RGS4: variants seen among roughly 807,000 people sequenced by gnomAD.
RGS4 encodes regulator of G protein signaling 4, also known as schizophrenia disorder 9.
A neutral mutation model predicts 21.6 loss-of-function variants in RGS4; 15 were observed. The observed-to-expected ratio is 0.69, with a 90% confidence interval of 0.46 to 1.07. The LOEUF (loss-of-function observed/expected upper bound fraction) is 1.07. Ranked by LOEUF, RGS4 falls within the 50% of genes least tolerant of loss-of-function variation. RGS4 has a pLI of 0.00. For missense variants in RGS4, 237 were observed against 239.0 expected, an observed-to-expected ratio of 0.99 and a Z score of 0.06; for synonymous variants, 94 against 85.5, an observed-to-expected ratio of 1.10 and a Z score of -0.55.
intron 1 of RGS4, chr1:163,072,009 C>T: frequency 6.1e-6 from 6 of 990,718 alleles, no homozygotes; most frequent in Non-Finnish European, 7.2e-6. Flanking sequence ...GCATCTTTTG[C>T]CGCTACTGCT....
chr1:163,070,439 C>A (rs1466348950), intron 1 of RGS4: 1 of 152,112 alleles, frequency 6.6e-6, no homozygotes, highest in Non-Finnish European at 1.5e-5. Context: ...GAAATTACCA[C>A]AAATTTTATT....
Position 163,072,398 on chromosome 1 carries a change from A to G in RGS4, c.48A>G (p.Ala16=), listed in dbSNP as rs1557859390. 1.2e-6 allele frequency: 2 copies of G among 1,610,898 alleles called. No individual in the cohort carries two copies. Among genetic ancestry groups the G allele is most frequent in the Non-Finnish European group, 8.5e-7 (1 of 1,177,572 alleles). ...AGLPASCLRS[A]KDMKHRLGFL... ...CATTTTTTTCTCTTCTGTGCAGTGC[A>G]AAAGATATGAAACATCGGCTAGGTT... The change falls in exon 2 of 5, where the codon GCA becomes GCG. Residue 16 remains alanine (A), a synonymous_variant. Transcript: ENST00000367909.
chr1:163,074,451 A>C lies in RGS4; in HGVS notation c.509A>C (p.Lys170Thr), dbSNP rs1655429469. Residue 170 changes from lysine (K) to threonine (T), a missense_variant, in exon 5 of 5, where the codon AAG becomes ACG. Transcript: ENST00000367909. ...AAGGATTCCTACCGCCGCTTCCTCA[A>C]GTCTCGATTCTATCTTGATTTGGTC... ...MEKDSYRRFLKSRFYLDLVNP... is the reference protein window; with the variant it reads ...MEKDSYRRFLTSRFYLDLVNP... 1 of 1,613,812 alleles carries C rather than the reference A, an allele frequency of 6.2e-7. No homozygotes were observed. The highest frequency in any genetic ancestry group is 8.5e-7 in the Non-Finnish European group (1 of 1,179,854).
chr1:163,073,491 G>A lies in RGS4; in HGVS notation c.247G>A (p.Glu83Lys). The A allele has an allele frequency of 6.2e-7, 1 of 1,601,116 alleles. No individual in the cohort carries two copies. The highest frequency in any genetic ancestry group is 8.5e-7 in the Non-Finnish European group (1 of 1,176,226). ...LAAFKAFLKS[E>K]YSEENIDFWI... The stretch of plus-strand genomic sequence containing the variant: ...AGCTTTCAAAGCTTTCTTGAAGTCT[G>A]AATATAGTGAGGAGAATATTGACTT... Residue 83 changes from glutamate (E) to lysine (K), a missense_variant, in exon 4 of 5, where the codon GAA becomes AAA. Glu to Lys is a moderately conservative substitution (Grantham distance 56). Coordinates refer to ENST00000367909, the MANE Select transcript of RGS4 (RefSeq NM_005613.6).
chr1:163,073,007 T>C, intron 3 of RGS4, 141 bp downstream of exon 3: 1 of 651,804 alleles, frequency 1.5e-6, no homozygotes, highest in Non-Finnish European at 2.6e-6. Flanking sequence ...ATTCAGTCTG[T>C]TTAAAATTTT....
At position 163,072,441 on chromosome 1, in the gene RGS4, G is replaced by C; in HGVS notation, c.91G>C (p.Asp31His). ...HRLGFLLQKS[D>H]SCEHNSSHNK... Reference sequence around the variant, plus strand: ...GCTAGGTTTCCTGCTGCAAAAATCTGATTCCTGTGAACACAATTCTTCCCA... The same window carrying C: ...GCTAGGTTTCCTGCTGCAAAAATCTCATTCCTGTGAACACAATTCTTCCCA... The change falls in exon 2 of 5, where the codon GAT (aspartate) becomes CAT (histidine). Residue 31 changes from aspartate to histidine, a missense_variant. Physicochemically the swap from Asp to His is moderately conservative, Grantham distance 81. Coordinates refer to ENST00000367909, the MANE Select transcript of RGS4 (RefSeq NM_005613.6). 1.9e-6 allele frequency: 3 copies of C among 1,613,272 alleles called. No individual in the cohort carries two copies. The highest frequency in any genetic ancestry group is 2.5e-6 in the Non-Finnish European group (3 of 1,179,558).
At chr1:163,074,236 C>A in intron 4 of RGS4, 85 bp from the exon 5 acceptor site, 3 of 1,553,306 alleles carry the variant, frequency 1.9e-6, no homozygotes, top group South Asian at 2.4e-5. Flanking sequence ...GGGTGCACTG[C>A]CACTTACAAG....
At chr1:163,071,063 T>C (rs1655282960) in intron 1 of RGS4, among the ~76,000 whole-genome samples, 2 of 152,138 alleles carry the variant, frequency 1.3e-5, no homozygotes. Flanking sequence ...TTAATAACTC[T>C]AGGATCTCAG....
At chr1:163,073,428 A>G (rs201452079) in intron 3 of RGS4, 28 bp from the exon 4 acceptor site, 2 of 1,524,994 alleles carry the variant, frequency 1.3e-6, no homozygotes, top group South Asian at 1.4e-5. Context: ...GTGTGATGAC[A>G]ACTGTGGTCC....
rs145492172 is a variant in RGS4 at position 163,076,198 on chromosome 1, C to T, written c.*1638C>T. The T allele has an allele frequency of 5.2e-5, 8 of 152,700 alleles. No individual in the cohort carries two copies. The highest frequency in any genetic ancestry group is 2.1e-4 in the South Asian group (1 of 4,824). 9.5% of individuals were successfully genotyped at this position (152,700 alleles called of 1,614,324 possible). Reference sequence around the variant, plus strand: ...TACTGCCTTTCAAAGTGCACACACACGCGTCCACATACACTGCATTCGTTG... The same window carrying T: ...TACTGCCTTTCAAAGTGCACACACATGCGTCCACATACACTGCATTCGTTG... On this transcript the variant is annotated 3_prime_UTR_variant, in exon 5 of 5. Transcript: ENST00000367909.
rs1655387678 is a variant in RGS4 at position 163,073,400 on chromosome 1, T to C, written c.212-56T>C. 9 of 1,408,300 alleles carry C rather than the reference T, an allele frequency of 6.4e-6. No individual in the cohort carries two copies. The South Asian group carries it at 1.2e-4, about 19-fold the overall frequency. The allele number at this position is 1,408,300 out of a possible 1,614,324, so 87.2% of individuals were successfully genotyped here. ...TACCTCAGCTTTATGTGAAATAGCA[T>C]ATCCAAGAGGCCAACCAGTGTGATG... is the stretch of plus-strand genomic sequence containing the variant. On this transcript the variant is annotated intron_variant, in intron 3 of 4. Transcript: ENST00000367909.
In RGS4 at chr1:163,074,614, C is replaced by G; in HGVS notation, c.*54C>G. 5.0e-6 allele frequency: 8 copies of G among 1,613,046 alleles called. No individual in the cohort carries two copies. The highest frequency in any genetic ancestry group is 6.8e-6 in the Non-Finnish European group (8 of 1,179,312). ...GCCAAGACTCTATGCTCTGGAAAAC[C>G]TGAGGCCAAATATTGATCTGTATTA... On this transcript the variant is annotated 3_prime_UTR_variant, in exon 5 of 5. Coordinates refer to ENST00000367909, the MANE Select transcript of RGS4 (RefSeq NM_005613.6).
rs955833628 is a variant in RGS4, at chr1:163,069,686, T to G, written c.44+158T>G. On this transcript the variant is annotated intron_variant, in intron 1 of 4. Coordinates refer to ENST00000367909, the MANE Select transcript of RGS4 (RefSeq NM_005613.6). ...TTCCTCCAAGACTAGCTAGATATTG[T>G]GACTTAAGACATGTGCTCCCCAAAT... Among the ~76,000 whole-genome samples the G allele has an allele frequency of 2.0e-5, 3 of 152,180 alleles. No homozygotes were observed. The South Asian group carries it at 6.2e-4, about 32-fold the overall frequency.
chr1:163,072,544 C>G, intron 2 of RGS4, 45 bp downstream of exon 2: 1 of 1,333,110 alleles, frequency 7.5e-7, no homozygotes, highest in Non-Finnish European at 1.1e-6. Flanking sequence ...TATTAACTAT[C>G]TGATGATGGG....
chr1:163,074,518 G>A lies in RGS4; in HGVS notation c.576G>A (p.Lys192=). The A allele has an allele frequency of 2.5e-6, 4 of 1,613,920 alleles. No homozygotes were observed. The highest frequency in any genetic ancestry group is 2.5e-6 in the Non-Finnish European group (3 of 1,179,868). Residue 192 remains lysine (K), a synonymous_variant, in exon 5 of 5, where the codon AAG becomes AAA. Transcript: ENST00000367909. ...SCGAEKQKGA[K]SSADCASLVP... is the part of the protein sequence containing the mutation. The stretch of plus-strand genomic sequence containing the variant: ...GGGCAGAAAAGCAGAAAGGAGCCAA[G>A]AGTTCAGCAGACTGTGCTTCCCTGG...
In RGS4 at chr1:163,074,481, C is replaced by A; in HGVS notation, c.539C>A (p.Pro180Gln). 1.2e-6 allele frequency: 2 copies of A among 1,613,898 alleles called. No individual in the cohort carries two copies. Among genetic ancestry groups the A allele is most frequent in the African/African-American group, 1.3e-5 (1 of 74,994 alleles). The stretch of plus-strand genomic sequence containing the variant: ...CGATTCTATCTTGATTTGGTCAACC[C>A]GTCCAGCTGTGGGGCAGAAAAGCAG... ...KSRFYLDLVN[P>Q]SSCGAEKQKG... is the part of the protein sequence containing the mutation. The change falls in exon 5 of 5, where the codon CCG (proline) becomes CAG (glutamine). Residue 180 changes from proline (P) to glutamine (Q), a missense_variant. Coordinates refer to ENST00000367909, the MANE Select transcript of RGS4 (RefSeq NM_005613.6).
intron 4 of RGS4, 51 bp downstream of exon 4, chr1:163,073,673 T>TATCAA: frequency 8.3e-7 from 1 of 1,209,794 alleles, no homozygotes; most frequent in Non-Finnish European, 1.2e-6. Context: ...GGAGTATGTG[T>TATCAA]GATATTTTGA....
At chr1:163,073,429 A>G in intron 3 of RGS4, 27 bp from the exon 4 acceptor site, 1 of 1,527,706 alleles carries the variant, frequency 6.5e-7, no homozygotes, top group Non-Finnish European at 8.7e-7. Context: ...TGTGATGACA[A>G]CTGTGGTCCT....
rs1257330954 is a variant in RGS4, at chr1:163,069,512, G to C, written c.28G>C (p.Ala10Pro). Reference protein sequence around the residue: MCKGLAGLPASCLRSAKDMK... With the variant: MCKGLAGLPPSCLRSAKDMK... ...GTGCAAAGGGCTTGCAGGTCTGCCG[G>C]CTTCTTGCTTGAGGAGGTAAGATTG... The change falls in exon 1 of 5, where the codon GCT becomes CCT. Residue 10 changes from alanine (A) to proline (P), a missense_variant. Transcript: ENST00000367909. The C allele has an allele frequency of 6.2e-7, 1 of 1,613,138 alleles. No individual in the cohort carries two copies. The highest frequency in any genetic ancestry group is 1.3e-5 in the African/African-American group (1 of 74,836).
Sources: allele counts gnomAD v4.1 joint callset (sites outside exome capture counted in the v4.1 genomes callset), GRCh38; gene constraint gnomAD v4.1.1; transcripts MANE v1.5; gene names NCBI Gene and HGNC (gene_info 2026-07-23, HGNC 2026-07-21).